PLCL2: variants seen among roughly 807,000 people sequenced by gnomAD.
PLCL2 encodes the protein inactive phospholipase C-like protein 2.
In PLCL2, 4 loss-of-function variants were observed where a neutral mutation model predicts 79.6. That is an observed-to-expected ratio of 0.05 (90% CI 0.02 to 0.11). PLCL2 has a LOEUF of 0.11. PLCL2 is among the 10% of genes least tolerant of loss of function. The pLI is 1.00. For missense variants in PLCL2, 895 were observed against 1,291.0 expected, an observed-to-expected ratio of 0.69 and a Z score of 4.70; for synonymous variants, 484 against 457.7, an observed-to-expected ratio of 1.06 and a Z score of -0.73.
intron 4 of PLCL2, among the ~76,000 whole-genome samples, chr3:17,065,546 T>C (rs2065001386): frequency 6.6e-6 from 1 of 152,232 alleles, no homozygotes; most frequent in Non-Finnish European, 1.5e-5. Context: ...CATTGCCTCA[T>C]TACCTTACAG....
chr3:17,014,587 A>G, intron 2 of PLCL2, 121 bp from the exon 3 acceptor site: 1 of 771,680 alleles, frequency 1.3e-6, no homozygotes, highest in Non-Finnish European at 2.2e-6. Flanking sequence ...ATTCTGTTAT[A>G]ACACTGTTAA....
chr3:16,915,783 A>G (rs577715581), intron 1 of PLCL2, among the ~76,000 whole-genome samples: 180 of 152,284 alleles, frequency 1.2e-3, no homozygotes, highest in African/African-American at 4.0e-3. Flanking sequence ...CATAGGGAAA[A>G]GGACAATGCT....
intron 1 of PLCL2, among the ~76,000 whole-genome samples, chr3:16,956,363 A>G (rs1283577815): frequency 7.9e-5 from 12 of 152,204 alleles, no homozygotes; most frequent in Admixed American, 7.9e-4. Flanking sequence ...CCAGCCTTGC[A>G]TCCCGGGGAT....
rs2064308682 is a variant in PLCL2, at chr3:17,010,376, A to G, written c.1030A>G (p.Ile344Val). 6.2e-7 allele frequency: 1 copy of G among 1,613,972 alleles called. No individual in the cohort carries two copies. The highest frequency in any genetic ancestry group is 8.5e-7 in the Non-Finnish European group (1 of 1,179,940). Residue 344 changes from isoleucine to valine, a missense_variant, in exon 2 of 6, where the codon ATT becomes GTT. Around this residue, in one of 6 missense-constraint regions of PLCL2, gnomAD observed 93 missense variants for 93.2 expected, o/e 1.00. Transcript: ENST00000615277. The surrounding 1 kb of genome is among the most constrained non-coding windows in gnomAD (Gnocchi z 5.8). Reference sequence around the variant, plus strand: ...TCATGAGCTTTGTACTAGACCTGAAATTTATTTCCTTTTAGTTCAGTTTTC... The same window carrying G: ...TCATGAGCTTTGTACTAGACCTGAAGTTTATTTCCTTTTAGTTCAGTTTTC... ...VFHELCTRPE[I>V]YFLLVQFSSN...
intron 1 of PLCL2, among the ~76,000 whole-genome samples, chr3:17,001,528 G>T (rs556853432): frequency 6.6e-6 from 1 of 152,042 alleles, no homozygotes; most frequent in South Asian, 2.1e-4. Flanking sequence ...TTTGATTTTT[G>T]TATATGGTAA....
At chr3:16,972,209 G>T (rs1216644876) in intron 1 of PLCL2, among the ~76,000 whole-genome samples, 3 of 152,132 alleles carry the variant, frequency 2.0e-5, no homozygotes, top group African/African-American at 7.2e-5. Context: ...GAAATAAAGG[G>T]TATTCAGTTA....
intron 1 of PLCL2, among the ~76,000 whole-genome samples, chr3:16,952,389 A>AAAAAAAC (rs2063663020): frequency 6.8e-6 from 1 of 146,268 alleles, no homozygotes; most frequent in Admixed American, 6.8e-5. Context: ...AAAAAAAAAA[A>AAAAAAAC]AAGAACCTGT....
intron 4 of PLCL2, among the ~76,000 whole-genome samples, chr3:17,060,629 A>G (rs948135474): frequency 2.0e-5 from 3 of 152,188 alleles, no homozygotes; most frequent in South Asian, 2.1e-4. Context: ...TATATAAATT[A>G]TACATATTCT....
At chr3:16,942,787 T>C (rs1222736863) in intron 1 of PLCL2, among the ~76,000 whole-genome samples, 1 of 152,196 alleles carries the variant, frequency 6.6e-6, no homozygotes, top group African/African-American at 2.4e-5. Context: ...TAAACAACAC[T>C]TGTAAAAGAG....
At chr3:17,060,408 G>T (rs2124936747) in intron 4 of PLCL2, among the ~76,000 whole-genome samples, 1 of 152,190 alleles carries the variant, frequency 6.6e-6, no homozygotes, top group Non-Finnish European at 1.5e-5. Flanking sequence ...AAATAATTTG[G>T]CTTTTGTTAA....
intron 1 of PLCL2, among the ~76,000 whole-genome samples, chr3:16,926,806 T>C (rs1221262282): frequency 6.6e-6 from 1 of 152,060 alleles, no homozygotes; most frequent in African/African-American, 2.4e-5. Flanking sequence ...TAATTTTTTG[T>C]ATTTTTAGTA....
intron 1 of PLCL2, among the ~76,000 whole-genome samples, chr3:16,970,028 T>A (rs978252936): frequency 7.0e-6 from 1 of 143,134 alleles, no homozygotes; most frequent in Non-Finnish European, 1.5e-5. Flanking sequence ...ATGATTGTCT[T>A]GGCTTTGATT....
intron 3 of PLCL2, among the ~76,000 whole-genome samples, chr3:17,038,186 A>G (rs960660671): frequency 2.0e-5 from 3 of 152,208 alleles, no homozygotes; most frequent in African/African-American, 4.8e-5. Context: ...TGTTACATCC[A>G]TAGATTTTCC....
At chr3:16,901,429 C>G (rs139483519) in intron 1 of PLCL2, among the ~76,000 whole-genome samples, 1 of 152,146 alleles carries the variant, frequency 6.6e-6, no homozygotes, top group Non-Finnish European at 1.5e-5. Context: ...TCTGCATCCT[C>G]GACTTGGGCA....
intron 1 of PLCL2, among the ~76,000 whole-genome samples, chr3:16,916,001 C>T (rs1696985796): frequency 6.6e-6 from 1 of 152,176 alleles, no homozygotes; most frequent in Admixed American, 6.5e-5. Flanking sequence ...GCTAAGGTTT[C>T]CATTATTCAT....
chr3:16,944,161 A>G (rs991982414), intron 1 of PLCL2, among the ~76,000 whole-genome samples: 1 of 152,238 alleles, frequency 6.6e-6, no homozygotes, highest in African/African-American at 2.4e-5. Context: ...GGAGATGATA[A>G]TACTAACATT....
At chr3:17,028,537 C>T (rs1042230236) in intron 3 of PLCL2, among the ~76,000 whole-genome samples, 6 of 151,032 alleles carry the variant, frequency 4.0e-5, no homozygotes, top group African/African-American at 7.3e-5. Context: ...ATTGCAGTGA[C>T]GAACTGTTGA....
At chr3:16,933,803 C>T (rs1245388903) in intron 1 of PLCL2, among the ~76,000 whole-genome samples, 1 of 152,038 alleles carries the variant, frequency 6.6e-6, no homozygotes, top group Non-Finnish European at 1.5e-5. Context: ...TGTGGTGGCT[C>T]ATGTCTGTAA....
chr3:17,007,149 G>A (rs758745473), intron 1 of PLCL2, among the ~76,000 whole-genome samples: 33 of 152,050 alleles, frequency 2.2e-4, no homozygotes, highest in Non-Finnish European at 3.8e-4. Context: ...AGGTAAATGC[G>A]TCTTTTAAAA....
Sources: gnomAD v4.1 joint callset for allele counts (sites outside exome capture counted in the v4.1 genomes callset) on GRCh38, gnomAD v4.1.1 for gene constraint, gnomAD v4.1.1 regional missense constraint, Gnocchi (gnomAD v3.1) non-coding constraint, MANE v1.5 for transcripts, NCBI Gene and HGNC (gene_info 2026-07-23, HGNC 2026-07-21) for gene names.